KIF26B: variants seen among roughly 807,000 people sequenced by gnomAD.
The protein encoded by KIF26B is kinesin-like protein KIF26B.
A neutral mutation model predicts 151.2 loss-of-function variants in KIF26B; 63 were observed. The ratio of observed to expected loss-of-function variants is 0.42; its 90% confidence interval spans 0.34 to 0.51. KIF26B has a LOEUF of 0.51. KIF26B is among the 20% of genes least tolerant of loss of function. The pLI is 0.07. For synonymous variants in KIF26B, 1,357 were observed against 1,262.1 expected, an observed-to-expected ratio of 1.08 and a Z score of -1.59; for missense variants, 2,813 against 2,913.6, an observed-to-expected ratio of 0.97 and a Z score of 0.79.
Position 245,366,479 on chromosome 1 carries a change from C to T in KIF26B, c.466-355C>T, listed in dbSNP as rs185826764. ...TCCAGAGGTGGAGGTTGCAGTGAGC[C>T]GAGATCGTGCCATTGCGCTCCAGCC... On this transcript the variant is annotated intron_variant, in intron 2 of 14. Coordinates refer to ENST00000407071, the MANE Select transcript of KIF26B (RefSeq NM_018012.4). 8.7e-5 allele frequency among the ~76,000 whole-genome samples: 13 copies of T among 149,926 alleles called. 1 individual carries two copies. Among genetic ancestry groups the T allele is most frequent in the African/African-American group, 3.0e-4 (12 of 40,618 alleles).
chr1:245,513,533 C>T (rs906236454), intron 4 of KIF26B, among the ~76,000 whole-genome samples: 11 of 152,140 alleles, frequency 7.2e-5, no homozygotes, highest in African/African-American at 2.4e-4. Flanking sequence ...TGATCAGTGC[C>T]TTACACATGG....
intron 4 of KIF26B, among the ~76,000 whole-genome samples, chr1:245,536,807 C>A (rs1236588731): frequency 6.6e-6 from 1 of 152,174 alleles, no homozygotes; most frequent in Non-Finnish European, 1.5e-5. Context: ...GTCCTCAGTT[C>A]TTTTCCACTT....
At chr1:245,662,774 C>CACCCAATATATATAT in intron 10 of KIF26B, among the ~76,000 whole-genome samples, 1 of 68,090 alleles carries the variant, frequency 1.5e-5, no homozygotes, top group Non-Finnish European at 3.0e-5. Context: ...CACACACACA[C>CACCCAATATATATAT]ATGCATGCCC....
chr1:245,430,463 A>G (rs1658749880), intron 4 of KIF26B, among the ~76,000 whole-genome samples: 1 of 152,022 alleles, frequency 6.6e-6, no homozygotes, highest in Non-Finnish European at 1.5e-5. Context: ...CCAGGAGTTC[A>G]AGACCAGCCT....
chr1:245,578,080 C>T (rs1162941999), intron 5 of KIF26B, among the ~76,000 whole-genome samples: 1 of 152,268 alleles, frequency 6.6e-6, no homozygotes, highest in Non-Finnish European at 1.5e-5. Context: ...CCACTCTCCC[C>T]AGTCTCCCTG....
intron 4 of KIF26B, among the ~76,000 whole-genome samples, chr1:245,428,348 G>T (rs557779179): frequency 6.6e-6 from 1 of 152,042 alleles, no homozygotes; most frequent in Admixed American, 6.6e-5. Context: ...AGCAACCAAG[G>T]GTATATTTAG....
chr1:245,649,059 A>C (rs954903294), intron 10 of KIF26B, among the ~76,000 whole-genome samples: 4 of 152,186 alleles, frequency 2.6e-5, no homozygotes, highest in Non-Finnish European at 5.9e-5. Flanking sequence ...TGTCCTTCCC[A>C]AAACATCCAT....
intron 10 of KIF26B, among the ~76,000 whole-genome samples, chr1:245,660,774 G>A (rs1456362800): frequency 5.3e-5 from 8 of 152,110 alleles, no homozygotes; most frequent in African/African-American, 1.9e-4. Flanking sequence ...GTAATGACAG[G>A]TATTTTCACT....
chr1:245,408,418 G>A (rs554997458), intron 3 of KIF26B, among the ~76,000 whole-genome samples: 4 of 141,996 alleles, frequency 2.8e-5, no homozygotes, highest in Admixed American at 7.5e-5. Flanking sequence ...GCAGTGGTGC[G>A]ATCTCAGCTC....
intron 10 of KIF26B, among the ~76,000 whole-genome samples, chr1:245,651,936 A>G (rs1021795693): frequency 2.0e-5 from 3 of 152,136 alleles, no homozygotes; most frequent in Non-Finnish European, 4.4e-5. Context: ...ATGGCATTGA[A>G]TTCCCATCTC....
At chr1:245,600,331 C>T (rs1388504239) in intron 5 of KIF26B, among the ~76,000 whole-genome samples, 1 of 147,260 alleles carries the variant, frequency 6.8e-6, no homozygotes, top group East Asian at 2.1e-4. Context: ...AGCCACCACG[C>T]CTGGCCGTTT....
At chr1:245,280,609 T>G (rs1398532361) in intron 2 of KIF26B, among the ~76,000 whole-genome samples, 13 of 147,612 alleles carry the variant, frequency 8.8e-5, no homozygotes, top group African/African-American at 1.2e-4. Context: ...TTTTTTTTTT[T>G]TTTTTTTTTT....
chr1:245,303,477 C>T lies in KIF26B; in HGVS notation c.466-63357C>T, dbSNP rs1000979870. On this transcript the variant is annotated intron_variant, in intron 2 of 14. Coordinates refer to ENST00000407071, the MANE Select transcript of KIF26B (RefSeq NM_018012.4). Reference sequence around the variant, plus strand: ...CCTCCCAAAGTGCTGGGATTACAGGCGTAAGCCACCGCGCCCGGCCCTAAA... The same window carrying T: ...CCTCCCAAAGTGCTGGGATTACAGGTGTAAGCCACCGCGCCCGGCCCTAAA... Among the ~76,000 whole-genome samples, 161 of 150,956 alleles carry T rather than the reference C, an allele frequency of 1.1e-3. 2 individuals carry two copies. Among genetic ancestry groups the T allele is most frequent in the African/African-American group, 3.9e-3 (156 of 40,362 alleles).
chr1:245,625,742 T>C (rs1249972589), intron 9 of KIF26B, among the ~76,000 whole-genome samples: 2 of 152,104 alleles, frequency 1.3e-5, no homozygotes, highest in Non-Finnish European at 2.9e-5. Flanking sequence ...TGTGTATTTG[T>C]AACTGTTAAC....
chr1:245,362,878 C>A (rs1448455802), intron 2 of KIF26B, among the ~76,000 whole-genome samples: 2 of 152,178 alleles, frequency 1.3e-5, no homozygotes, highest in Admixed American at 1.3e-4. Flanking sequence ...AATCCTTACA[C>A]TTAAAACTTT....
At chr1:245,321,339 G>A (rs910627299) in intron 2 of KIF26B, among the ~76,000 whole-genome samples, 6 of 152,120 alleles carry the variant, frequency 3.9e-5, no homozygotes, top group Non-Finnish European at 5.9e-5. Flanking sequence ...TCTTTCCATC[G>A]AAGTTACATT....
intron 2 of KIF26B, among the ~76,000 whole-genome samples, chr1:245,268,519 GT>G (rs201556101): frequency 5.0e-4 from 44 of 87,920 alleles, no homozygotes; most frequent in African/African-American, 1.1e-3. Context: ...TAATAATAAA[GT>G]TTTTTTTTTA....
intron 2 of KIF26B, among the ~76,000 whole-genome samples, chr1:245,207,724 A>G (rs7527554): frequency 0.88 from 134,616 of 152,164 alleles, 59,660 homozygotes; most frequent in East Asian, 0.94. Flanking sequence ...CTCCGTGCTA[A>G]GTTGGTAGTT....
chr1:245,265,975 G>A (rs937874710), intron 2 of KIF26B, among the ~76,000 whole-genome samples: 2 of 152,064 alleles, frequency 1.3e-5, no homozygotes, highest in Admixed American at 6.6e-5. Context: ...AAATTTGACT[G>A]TATTAAACAA....
Sources: gnomAD v4.1 joint callset for allele counts (sites outside exome capture counted in the v4.1 genomes callset) on GRCh38, gnomAD v4.1.1 for gene constraint, MANE v1.5 for transcripts, NCBI Gene and HGNC (gene_info 2026-07-23, HGNC 2026-07-21) for gene names.